Variants in WDPCP observed in about 807,000 individuals in gnomAD.
WDPCP encodes WD repeat containing planar cell polarity effector.
A neutral mutation model predicts 93.1 loss-of-function variants in WDPCP; 71 were observed. The ratio of observed to expected loss-of-function variants is 0.76; its 90% CI spans 0.63 to 0.93. The LOEUF (loss-of-function observed/expected upper bound fraction) is 0.93. WDPCP is among the 40% of genes least tolerant of loss of function. The pLI is 0.00. For missense variants in WDPCP, 844 were observed against 887.4 expected, an observed-to-expected ratio of 0.95 and a Z score of 0.62; for synonymous variants, 315 against 315.0, an observed-to-expected ratio of 1.00 and a Z score of 0.00.
intron 6 of WDPCP, among the ~76,000 whole-genome samples, chr2:63,448,465 CA>C (rs1558648056): frequency 1.5e-4 from 23 of 151,796 alleles, no homozygotes; most frequent in Admixed American, 3.9e-4. Context: ...CACACACACA[CA>C]CACCCTTAAT....
chr2:63,391,509 C>G (rs1693244679), intron 10 of WDPCP, among the ~76,000 whole-genome samples: 1 of 152,134 alleles, frequency 6.6e-6, no homozygotes, highest in South Asian at 2.1e-4. Flanking sequence ...TCTCACCACT[C>G]CTATTCAACA....
chr2:63,149,962 C>A lies in WDPCP; in HGVS notation c.2190+2952G>T, dbSNP rs1482988436. On this transcript the variant is annotated intron_variant, in intron 17 of 17. Coordinates refer to ENST00000272321, the MANE Select transcript of WDPCP (RefSeq NM_015910.7). ...GTTACAGTGAGCTGTATTCATGCAA[C>A]TGCACTCCAGCCTGGGTGACAGAGT... 3.3e-5 allele frequency among the ~76,000 whole-genome samples: 5 copies of A among 152,056 alleles called. No individual in the cohort carries two copies. The East Asian group carries it at 9.7e-4, about 29-fold the overall frequency.
intron 12 of WDPCP, among the ~76,000 whole-genome samples, chr2:63,316,554 G>A (rs1195821417): frequency 2.0e-5 from 3 of 152,058 alleles, no homozygotes; most frequent in Admixed American, 2.0e-4. Context: ...TCAGGAGGCT[G>A]AGGCACAAGG....
At chr2:63,588,700 A>G (rs1709059624), upstream of WDPCP, 3 of 490,424 alleles carry the variant, frequency 6.1e-6, no homozygotes, top group Non-Finnish European at 1.1e-5. Flanking sequence ...TCCATCAGGC[A>G]GGTCCTTTCC....
intron 1 of WDPCP, among the ~76,000 whole-genome samples, chr2:63,562,402 A>G (rs1464834097): frequency 6.6e-6 from 1 of 152,206 alleles, no homozygotes; most frequent in Non-Finnish European, 1.5e-5. Context: ...GTGTACCAGG[A>G]TAAATAACTA....
chr2:63,557,022 T>A (rs1341130662), intron 1 of WDPCP, among the ~76,000 whole-genome samples: 1 of 152,144 alleles, frequency 6.6e-6, no homozygotes, highest in African/African-American at 2.4e-5. Context: ...AAGGAAGCAC[T>A]AAATATGGAA....
chr2:63,436,070 A>C (rs1697117699), intron 8 of WDPCP, among the ~76,000 whole-genome samples: 1 of 152,130 alleles, frequency 6.6e-6, no homozygotes, highest in South Asian at 2.1e-4. Context: ...AAGATAAAGA[A>C]ACTACTCATC....
At chr2:63,675,803 A>G (rs1403554760) in intron 2 of WDPCP, among the ~76,000 whole-genome samples, 1 of 152,224 alleles carries the variant, frequency 6.6e-6, no homozygotes, top group Non-Finnish European at 1.5e-5. Context: ...AAGACCAAAT[A>G]TATGAAATAA....
At chr2:63,721,021 G>T (rs1669406621) in intron 2 of WDPCP, among the ~76,000 whole-genome samples, 1 of 152,216 alleles carries the variant, frequency 6.6e-6, no homozygotes, top group Non-Finnish European at 1.5e-5. Flanking sequence ...CATTTCAAGT[G>T]TTAATAGGGA....
chr2:63,571,477 T>C (rs1707498981), intron 1 of WDPCP: 3 of 468,736 alleles, frequency 6.4e-6, no homozygotes, highest in Admixed American at 2.4e-5. Flanking sequence ...GAAGGTCTGC[T>C]GGCAACAAAA....
chr2:63,597,585 C>T, intron 3 of WDPCP: 1 of 1,358,776 alleles, frequency 7.4e-7, no homozygotes. Flanking sequence ...GTGACCAATG[C>T]TGTATTTTAT....
chr2:63,590,846 G>T (rs1709185387), upstream of WDPCP: 1 of 152,200 alleles, frequency 6.6e-6, no homozygotes, highest in African/African-American at 2.4e-5. Flanking sequence ...CCTCAGGAGG[G>T]TGTGTGAATG....
intron 3 of WDPCP, among the ~76,000 whole-genome samples, chr2:63,601,510 A>T (rs1709417751): frequency 6.6e-6 from 1 of 152,240 alleles, no homozygotes; most frequent in African/African-American, 2.4e-5. Flanking sequence ...CTTTTAACAG[A>T]CCTATGTGAC....
chr2:63,174,657 C>A lies in WDPCP; in HGVS notation c.2078+13G>T, dbSNP rs771461774. 5.6e-6 allele frequency: 9 copies of A among 1,613,558 alleles called. No homozygotes were observed. In the Admixed American group the frequency reaches 1.2e-4, roughly 21 times the overall value. ...ACTTTATGGAGCAATTTCCTCAGTTCAACATTTCTTACCTGTTAGAAGAGC... is the reference window on the plus strand; with the variant it reads ...ACTTTATGGAGCAATTTCCTCAGTTAAACATTTCTTACCTGTTAGAAGAGC... On this transcript the variant is annotated intron_variant, in intron 15 of 17. Coordinates refer to ENST00000272321, the MANE Select transcript of WDPCP (RefSeq NM_015910.7).
intron 6 of WDPCP, among the ~76,000 whole-genome samples, chr2:63,465,245 A>C (rs1699272726): frequency 6.6e-6 from 1 of 152,106 alleles, no homozygotes; most frequent in African/African-American, 2.4e-5. Context: ...CCTATGACTT[A>C]GGTATTTTTA....
intron 13 of WDPCP, among the ~76,000 whole-genome samples, chr2:63,310,396 G>A (rs1175049199): frequency 1.3e-5 from 2 of 152,060 alleles, no homozygotes; most frequent in Non-Finnish European, 2.9e-5. Context: ...CTTGTACCTA[G>A]GAGCCTTGTC....
chr2:63,791,710 G>C (rs1670548597), intron 2 of WDPCP, among the ~76,000 whole-genome samples: 1 of 152,074 alleles, frequency 6.6e-6, no homozygotes, highest in Non-Finnish European at 1.5e-5. Flanking sequence ...GTATCAGGGA[G>C]GATCTCCATA....
chr2:63,644,072 T>C (rs1452970994), intron 3 of WDPCP: 1 of 363,140 alleles, frequency 2.8e-6, no homozygotes, highest in Non-Finnish European at 5.4e-6. Context: ...GAAAGAGTGA[T>C]GAATGATCTT....
At chr2:63,281,119 C>G (rs1168486403) in intron 13 of WDPCP, among the ~76,000 whole-genome samples, 1 of 151,442 alleles carries the variant, frequency 6.6e-6, no homozygotes, top group Non-Finnish European at 1.5e-5. Context: ...ACAAAGAACT[C>G]AAATCAGCAA....
Sources: gnomAD v4.1 joint callset for allele counts (sites outside exome capture counted in the v4.1 genomes callset) on GRCh38, gnomAD v4.1.1 for gene constraint, MANE v1.5 for transcripts, NCBI Gene and HGNC (gene_info 2026-07-23, HGNC 2026-07-21) for gene names.